The following ACACA variants were observed in gnomAD, a reference collection of about 807,000 sequenced individuals.
ACACA encodes acetyl-CoA carboxylase 1.
A neutral mutation model predicts 296.1 loss-of-function variants in ACACA; 103 were observed. The observed-to-expected ratio is 0.35, with a 90% CI of 0.30 to 0.41. The LOEUF is 0.41. Ranked by LOEUF, ACACA falls within the 10% of genes least tolerant of loss-of-function variation. The pLI, the probability that ACACA is intolerant of heterozygous loss-of-function variation, is 1.00. For synonymous variants in ACACA, 953 were observed against 1,038.6 expected (o/e 0.92, Z 1.58); for missense variants, 1,554 against 2,989.7 (o/e 0.52, Z 11.20).
rs773802938 is a variant in ACACA, at chr17:37,289,576, C to CT, written c.339-4607dup. On this transcript the variant is annotated intron_variant, in intron 3 of 55. Coordinates refer to ENST00000616317, the MANE Select transcript of ACACA (RefSeq NM_198834.3). ...CAAAATGCAAACTAGGACTGATCTT[C>CT]TTAGGAACTTCCATTTTTCCATTAC... 7 of 1,131,992 alleles carry CT rather than the reference C, an allele frequency of 6.2e-6. No homozygotes were observed. In the South Asian group the frequency reaches 8.4e-5, roughly 14 times the overall value. 70.1% of individuals were successfully genotyped at this position (1,131,992 alleles called of 1,614,324 possible).
intron 47 of ACACA, among the ~76,000 whole-genome samples, 183 bp downstream of exon 47, chr17:37,129,182 A>AT (rs907786735): frequency 1.3e-5 from 2 of 151,960 alleles, no homozygotes; most frequent in African/African-American, 4.8e-5. Context: ...TTTATTTTTC[A>AT]TTTTTTCATG....
At position 37,200,075 on chromosome 17, in the gene ACACA, T is replaced by C; in HGVS notation, c.4158+64A>G. On this transcript the variant is annotated intron_variant, in intron 35 of 55. Transcript: ENST00000616317. ...CAGCCCTTCTAACATATATTCTGGTTAAATAATCAGTGGCAGACAAATAAA... is the reference window on the plus strand; with the variant it reads ...CAGCCCTTCTAACATATATTCTGGTCAAATAATCAGTGGCAGACAAATAAA... The C allele has an allele frequency of 3.3e-6, 4 of 1,226,160 alleles. No individual in the cohort carries two copies. The South Asian group carries it at 4.9e-5, about 15-fold the overall frequency. 76.0% of individuals were successfully genotyped at this position (1,226,160 alleles called of 1,614,324 possible).
intron 30 of ACACA, 103 bp from the exon 31 acceptor site, chr17:37,207,903 G>T: frequency 2.1e-6 from 3 of 1,410,658 alleles, no homozygotes; most frequent in Non-Finnish European, 3.0e-6. Flanking sequence ...CTGAAGTAGG[G>T]TCAGGTTGCA....
intron 1 of ACACA, among the ~76,000 whole-genome samples, chr17:37,401,179 CTTTTTCTTTTG>C (rs1186797344): frequency 1.5e-4 from 22 of 148,968 alleles, no homozygotes; most frequent in African/African-American, 5.4e-4. Flanking sequence ...ATTTGCATGT[CTTTTTCTTTTG>C]TTTTTCTTTT....
At chr17:37,399,337 A>G (rs1229316972) in intron 1 of ACACA, among the ~76,000 whole-genome samples, 3 of 152,120 alleles carry the variant, frequency 2.0e-5, no homozygotes, top group Non-Finnish European at 4.4e-5. Context: ...GGAAAGTTTC[A>G]AAGTCCATGC....
At chr17:37,137,544 A>G (rs1036849472) in intron 45 of ACACA, among the ~76,000 whole-genome samples, 4 of 152,248 alleles carry the variant, frequency 2.6e-5, no homozygotes, top group Non-Finnish European at 4.4e-5. Context: ...CAATAAATGC[A>G]TGTGATCTAC....
At chr17:37,388,819 C>G (rs2050665567) in intron 1 of ACACA, 4 of 1,611,268 alleles carry the variant, frequency 2.5e-6, no homozygotes, top group Middle Eastern at 1.7e-4. Context: ...GTATTGAATC[C>G]TTGAACTTGA....
chr17:37,149,728 T>C, intron 45 of ACACA, 136 bp downstream of exon 45: 2 of 745,420 alleles, frequency 2.7e-6, no homozygotes, highest in Non-Finnish European at 4.8e-6. Context: ...GCAGAAAAGA[T>C]GGAGGGAGAG....
Position 37,343,785 on chromosome 17 carries a change from T to C in ACACA, c.39-3935A>G, listed in dbSNP as rs1011422810. On this transcript the variant is annotated intron_variant, in intron 1 of 55. Coordinates refer to ENST00000616317, the MANE Select transcript of ACACA (RefSeq NM_198834.3). ...TCTCAAAAAAAAAAAAAAAAAAAGT[T>C]TTCAAAGACAATAAGTGAATTTGCC... Among the ~76,000 whole-genome samples the C allele has an allele frequency of 3.0e-4, 46 of 151,826 alleles. 2 individuals are homozygous for C. The highest frequency in any genetic ancestry group is 1.7e-3 in the East Asian group (9 of 5,170).
At chr17:37,311,780 G>A (rs2084159077) in intron 3 of ACACA, among the ~76,000 whole-genome samples, 1 of 151,500 alleles carries the variant, frequency 6.6e-6, no homozygotes, top group Non-Finnish European at 1.5e-5. Flanking sequence ...GCTGAGGCAG[G>A]AGAATTGCTT....
intron 14 of ACACA, 47 bp downstream of exon 14, chr17:37,257,643 TTCACTTAAGATTA>T: frequency 6.4e-7 from 1 of 1,557,958 alleles, no homozygotes; most frequent in South Asian, 1.1e-5. Context: ...TGCTCACACC[TTCACTTAAGATTA>T]GCACAAATTT....
rs2080285288 is a variant in ACACA, at chr17:37,239,499, C to A, written c.3121+977G>T. Among the ~76,000 whole-genome samples, 4 of 152,140 alleles carry A rather than the reference C, an allele frequency of 2.6e-5. No homozygotes were observed. The South Asian group carries it at 8.3e-4, about 32-fold the overall frequency. ...TTACCATAATGCATGATGTATCCTGCAGATTTTTTTGTGGGTCCCTTTTAC... is the reference window on the plus strand; with the variant it reads ...TTACCATAATGCATGATGTATCCTGAAGATTTTTTTGTGGGTCCCTTTTAC... On this transcript the variant is annotated intron_variant, in intron 24 of 55. Transcript: ENST00000616317.
intron 1 of ACACA, among the ~76,000 whole-genome samples, chr17:37,394,398 A>G (rs1352214577): frequency 6.6e-6 from 1 of 151,458 alleles, no homozygotes; most frequent in African/African-American, 2.4e-5. Flanking sequence ...TTTAGTAGAG[A>G]TGGGGTTTCA....
chr17:37,296,727 G>A (rs1457181433), intron 3 of ACACA, among the ~76,000 whole-genome samples: 1 of 151,784 alleles, frequency 6.6e-6, no homozygotes, highest in Non-Finnish European at 1.5e-5. Context: ...TACATTTTGT[G>A]TGTGTGTGAG....
chr17:37,125,640 T>G (rs1046193204), intron 48 of ACACA, 58 bp downstream of exon 48: 3 of 1,408,676 alleles, frequency 2.1e-6, no homozygotes, highest in Non-Finnish European at 3.0e-6. Context: ...GCCATGGCTC[T>G]TTCTTTCTTA....
intron 10 of ACACA, among the ~76,000 whole-genome samples, chr17:37,267,657 C>T (rs2081850225): frequency 6.6e-6 from 1 of 152,050 alleles, no homozygotes. Context: ...AACTCCTGGG[C>T]TCAAGGGATT....
At chr17:37,225,352 G>A (rs548176560) in intron 26 of ACACA, 107 of 465,562 alleles carry the variant, frequency 2.3e-4, no homozygotes, top group South Asian at 2.2e-3. Context: ...GTAGGGGGAA[G>A]GGAGAGAAAA....
At position 37,252,890 on chromosome 17, in the gene ACACA, A is replaced by C; in HGVS notation, c.1973T>G (p.Val658Gly). Residue 658 changes from valine to glycine, a missense_variant, in exon 15 of 56, where the codon GTA becomes GGA. Around this residue, in one of 16 missense-constraint regions of ACACA, gnomAD observed 316 missense variants for 540.9 expected, o/e 0.58. Coordinates refer to ENST00000616317, the MANE Select transcript of ACACA (RefSeq NM_198834.3). ...GWLDRLIAEK[V>G]QAERPDTMLG... The stretch of plus-strand genomic sequence containing the variant: ...TGTTTGTGGAGAAATACACACCTGT[A>C]CTTTTTCTGCTATCAGTCTGTCCAG... 1 of 1,614,194 alleles carries C rather than the reference A, an allele frequency of 6.2e-7. No individual in the cohort carries two copies. Among genetic ancestry groups the C allele is most frequent in the Non-Finnish European group, 8.5e-7 (1 of 1,180,034 alleles).
chr17:37,362,140 G>GA (rs964991262), intron 1 of ACACA, among the ~76,000 whole-genome samples: 1 of 152,104 alleles, frequency 6.6e-6, no homozygotes, highest in African/African-American at 2.4e-5. Flanking sequence ...GAAAATATCA[G>GA]AAAAAAACTA....
Sources: gnomAD v4.1 joint callset for allele counts (sites outside exome capture counted in the v4.1 genomes callset) on GRCh38, gnomAD v4.1.1 for gene constraint, gnomAD v4.1.1 regional missense constraint, MANE v1.5 for transcripts, NCBI Gene and HGNC (gene_info 2026-07-23, HGNC 2026-07-21) for gene names.